The following CYTH1 variants were observed in gnomAD, a reference collection of about 807,000 sequenced individuals.
CYTH1 encodes cytohesin-1.
In CYTH1, 18 loss-of-function variants were observed where a neutral mutation model predicts 61.8. The observed-to-expected ratio is 0.29, with a 90% confidence interval of 0.20 to 0.43. The LOEUF (loss-of-function observed/expected upper bound fraction) is 0.43. Ranked by LOEUF, CYTH1 falls within the 20% of genes least tolerant of loss-of-function variation. CYTH1 has a pLI of 1.00. For missense variants in CYTH1, 336 were observed against 510.5 expected (o/e 0.66, Z 3.29); for synonymous variants, 174 against 184.3 (o/e 0.94, Z 0.45).
chr17:78,677,819 A>G (rs937453970), intron 13 of CYTH1: 1 of 152,266 alleles, frequency 6.6e-6, no homozygotes, highest in African/African-American at 2.4e-5. Flanking sequence ...GTTGTCACCA[A>G]TGTTTCCACT....
intron 1 of CYTH1, among the ~76,000 whole-genome samples, chr17:78,745,832 C>T (rs1460999318): frequency 6.6e-6 from 1 of 152,102 alleles, no homozygotes; most frequent in South Asian, 2.1e-4. Flanking sequence ...GCAGAGGTTG[C>T]AGTGAGCCGA....
chr17:78,731,096 C>G (rs991665579), intron 1 of CYTH1, among the ~76,000 whole-genome samples: 2 of 152,166 alleles, frequency 1.3e-5, no homozygotes, highest in African/African-American at 4.8e-5. Flanking sequence ...GCTACAGAAT[C>G]AACGCATCAC....
intron 1 of CYTH1, among the ~76,000 whole-genome samples, chr17:78,751,316 G>A (rs2093379312): frequency 6.6e-6 from 1 of 152,102 alleles, no homozygotes; most frequent in South Asian, 2.1e-4. Flanking sequence ...ATGGCCAACA[G>A]CACTGTAACT....
chr17:78,767,484 G>A (rs1195978814), intron 1 of CYTH1, among the ~76,000 whole-genome samples: 3 of 152,116 alleles, frequency 2.0e-5, no homozygotes, highest in East Asian at 3.8e-4. Context: ...CACAGCCTGA[G>A]CATAAAGCAA....
At chr17:78,687,626 G>A (rs905272655) in intron 11 of CYTH1, among the ~76,000 whole-genome samples, 6 of 152,142 alleles carry the variant, frequency 3.9e-5, no homozygotes, top group East Asian at 3.8e-4. Flanking sequence ...CCCTGGCTCC[G>A]TCTCTCACAA....
At chr17:78,713,417 A>C (rs2093153877) in intron 1 of CYTH1, among the ~76,000 whole-genome samples, 1 of 152,228 alleles carries the variant, frequency 6.6e-6, no homozygotes, top group South Asian at 2.1e-4. Flanking sequence ...AATAATTGGG[A>C]TTTGATTTTG....
chr17:78,727,685 G>A, intron 1 of CYTH1: 2 of 471,140 alleles, frequency 4.2e-6, no homozygotes, highest in Non-Finnish European at 8.8e-6. Context: ...AGCAGGCACG[G>A]CCGACCCAAG....
intron 1 of CYTH1, among the ~76,000 whole-genome samples, chr17:78,730,927 G>C (rs920407376): frequency 6.6e-6 from 1 of 152,098 alleles, no homozygotes; most frequent in African/African-American, 2.4e-5. Context: ...GCCTCCCAAA[G>C]TGCTGGGATT....
At position 78,758,382 on chromosome 17, in the gene CYTH1, C is replaced by T. The variant is rs139784902; in HGVS notation, c.22+23820G>A. 2.9e-3 allele frequency among the ~76,000 whole-genome samples: 444 copies of T among 152,224 alleles called. 1 individual carries two copies. Among genetic ancestry groups the T allele is most frequent in the African/African-American group, 0.01 (418 of 41,528 alleles). On this transcript the variant is annotated intron_variant, in intron 1 of 13. Coordinates refer to ENST00000446868, the MANE Select transcript of CYTH1 (RefSeq NM_004762.6). The stretch of plus-strand genomic sequence containing the variant: ...ACATGCCCCCATTGAGGAGAAGAAG[C>T]CTGGCCTGTCTATCACTTGCTATAA...
chr17:78,745,515 G>A (rs1374530296), intron 1 of CYTH1, among the ~76,000 whole-genome samples: 1 of 152,162 alleles, frequency 6.6e-6, no homozygotes, highest in African/African-American at 2.4e-5. Context: ...CAAAAATACT[G>A]AATGTCATAA....
chr17:78,712,033 C>T (rs936765925), intron 1 of CYTH1, among the ~76,000 whole-genome samples: 3 of 150,668 alleles, frequency 2.0e-5, no homozygotes, highest in Admixed American at 1.3e-4. Context: ...GAGCCAAGAT[C>T]GCACCACTGC....
At chr17:78,682,541 C>T (rs1033501814) in intron 11 of CYTH1, among the ~76,000 whole-genome samples, 1 of 152,146 alleles carries the variant, frequency 6.6e-6, no homozygotes, top group African/African-American at 2.4e-5. Context: ...TTCCTACAGC[C>T]AAGGCCTTTG....
chr17:78,709,417 G>C (rs193087386), intron 2 of CYTH1: 58 of 501,010 alleles, frequency 1.2e-4, no homozygotes, highest in East Asian at 9.2e-4. Flanking sequence ...CTCCAGCTCC[G>C]ACAACCGACC....
rs1567879396 is a variant in CYTH1, at chr17:78,760,460, CATATATATATGTATATATATGTATGTAT to C, written c.22+21714_22+21741del. 6.3e-5 allele frequency among the ~76,000 whole-genome samples: 2 copies of C among 31,530 alleles called. 1 individual carries two copies. Among genetic ancestry groups the C allele is most frequent in the East Asian group, 1.9e-3 (2 of 1,030 alleles). 20.7% of individuals were successfully genotyped at this position (31,530 alleles called of 152,430 possible). On this transcript the variant is annotated intron_variant, in intron 1 of 13. Coordinates refer to ENST00000446868, the MANE Select transcript of CYTH1 (RefSeq NM_004762.6). ...ATATATATGTATATATATATACATA[CATATATATATGTATATATATGTATGTAT>C]ATATATATACATATATATGTATATA...
intron 1 of CYTH1, among the ~76,000 whole-genome samples, chr17:78,779,341 A>G (rs2093506741): frequency 7.0e-6 from 1 of 143,448 alleles, no homozygotes; most frequent in South Asian, 2.3e-4. Context: ...CAGAGGTTGC[A>G]GTGAGCCGAG....
chr17:78,700,464 T>G lies in CYTH1; in HGVS notation c.438-21A>C. 1 of 1,586,872 alleles carries G rather than the reference T, an allele frequency of 6.3e-7. No homozygotes were observed. Among genetic ancestry groups the G allele is most frequent in the Non-Finnish European group, 8.6e-7 (1 of 1,166,376 alleles). ...ACTGCCTGAGTGGGTAAAGACAGAG[T>G]GTTCCAGAACTTGGGGAGGCAATTT... is the stretch of plus-strand genomic sequence containing the variant. On this transcript the variant is annotated intron_variant, in intron 6 of 13. Transcript: ENST00000446868. The surrounding 1 kb of genome is among the most constrained non-coding windows in gnomAD (Gnocchi z 5.1).
rs777549962 is a variant in CYTH1, at chr17:78,698,250, G to A, written c.811+19C>T. ...CCTAAGTCTCAGCTTTAGGAGCCCT[G>A]ACTCAGAGGTGCGCTTACCGAGTTT... On this transcript the variant is annotated intron_variant, in intron 9 of 13. Transcript: ENST00000446868. 1.9e-6 allele frequency: 3 copies of A among 1,592,638 alleles called. No individual in the cohort carries two copies. Among genetic ancestry groups the A allele is most frequent in the African/African-American group, 2.7e-5 (2 of 74,338 alleles).
intron 10 of CYTH1, among the ~76,000 whole-genome samples, chr17:78,695,799 C>T (rs1015629739): frequency 4.6e-5 from 7 of 152,158 alleles, no homozygotes; most frequent in African/African-American, 1.7e-4. Context: ...ATGAATATAA[C>T]ATATACTCCT....
chr17:78,687,671 G>A (rs746231553), intron 11 of CYTH1, among the ~76,000 whole-genome samples: 2 of 152,234 alleles, frequency 1.3e-5, no homozygotes, highest in Admixed American at 1.3e-4. Flanking sequence ...AGAAATCCCA[G>A]TGTTCACTCA....
Sources: gnomAD v4.1 joint callset for allele counts (sites outside exome capture counted in the v4.1 genomes callset) on GRCh38, gnomAD v4.1.1 for gene constraint, Gnocchi (gnomAD v3.1) non-coding constraint, MANE v1.5 for transcripts, NCBI Gene and HGNC (gene_info 2026-07-23, HGNC 2026-07-21) for gene names.